Variants in SPTBN1 observed in about 807,000 individuals in gnomAD.
SPTBN1 encodes spectrin beta chain, non-erythrocytic 1.
A neutral mutation model predicts 266.4 loss-of-function variants in SPTBN1; 32 were observed. The ratio of observed to expected loss-of-function variants is 0.12; its 90% CI spans 0.09 to 0.16. SPTBN1 has a LOEUF of 0.16. Ranked by LOEUF, SPTBN1 falls within the 10% of genes least tolerant of loss-of-function variation. The pLI is 1.00. For missense variants in SPTBN1, 2,296 were observed against 3,067.1 expected (o/e 0.75, Z 5.94); for synonymous variants, 1,336 against 1,162.2 (o/e 1.15, Z -3.04).
chr2:54,666,119 A>G, intron 34 of SPTBN1, 31 bp downstream of exon 34: 4 of 1,588,850 alleles, frequency 2.5e-6, no homozygotes, highest in Non-Finnish European at 3.4e-6. Context: ...TGGCTGCCAG[A>G]GTGGGTTTGC....
In SPTBN1 at chr2:54,520,334, C is replaced by G. The variant is rs185819974; in HGVS notation, c.-47-6038C>G. 380 of 152,238 alleles carry G rather than the reference C, an allele frequency of 2.5e-3. 1 individual carries two copies. The highest frequency in any genetic ancestry group is 9.0e-3 in the African/African-American group (374 of 41,528). 9.4% of individuals were successfully genotyped at this position (152,238 alleles called of 1,614,324 possible). ...GAGAACTAACAGAATACTTACAAAG[C>G]CTGGCATGGTAACATTCCAGTTTCT... On this transcript the variant is annotated intron_variant, in intron 1 of 35. Coordinates refer to ENST00000356805, the MANE Select transcript of SPTBN1 (RefSeq NM_003128.3).
chr2:54,546,386 T>C (rs950534917), intron 2 of SPTBN1: 2 of 152,166 alleles, frequency 1.3e-5, no homozygotes, highest in African/African-American at 4.8e-5. Flanking sequence ...TTGTCTGATA[T>C]CTGTTAAAGT....
rs1681657486 is a variant in SPTBN1 at position 54,670,754 on chromosome 2, G to T, written c.*2185G>T. ...CATAATTTCAACAGTTCGCAGATCT[G>T]TAGTTATGAAGCCAGGGTTTGGTGG... On this transcript the variant is annotated 3_prime_UTR_variant, in exon 36 of 36. Coordinates refer to ENST00000356805, the MANE Select transcript of SPTBN1 (RefSeq NM_003128.3). 2 of 398,470 alleles carry T rather than the reference G, an allele frequency of 5.0e-6. No individual in the cohort carries two copies. The highest frequency in any genetic ancestry group is 1.3e-4 in the South Asian group (1 of 7,858). The allele number at this position is 398,470 out of a possible 1,614,324, so 24.7% of individuals were successfully genotyped here. A position where few individuals can be genotyped will look rare whatever the true frequency, so the allele number is the denominator to read the frequency against.
At chr2:54,630,391 C>T (rs1458888336) in intron 15 of SPTBN1, among the ~76,000 whole-genome samples, 3 of 152,196 alleles carry the variant, frequency 2.0e-5, no homozygotes, top group Non-Finnish European at 2.9e-5. Context: ...ACTTAATTTG[C>T]CAATGAAAGT....
intron 2 of SPTBN1, among the ~76,000 whole-genome samples, chr2:54,591,046 A>G (rs1675647567): frequency 6.6e-6 from 1 of 152,152 alleles, no homozygotes; most frequent in Admixed American, 6.5e-5. Flanking sequence ...GCAAAAATAG[A>G]TTGTCAAAAT....
At chr2:54,590,568 A>G (rs539927602) in intron 2 of SPTBN1, among the ~76,000 whole-genome samples, 3 of 152,370 alleles carry the variant, frequency 2.0e-5, no homozygotes, top group African/African-American at 7.2e-5. Flanking sequence ...ACATCCCATC[A>G]AATGATGATT....
At chr2:54,644,617 G>A in intron 20 of SPTBN1, 31 bp downstream of exon 20, 3 of 1,578,618 alleles carry the variant, frequency 1.9e-6, no homozygotes, top group South Asian at 1.1e-5. Flanking sequence ...GGACTTGGGT[G>A]TATTTCTGTT....
In SPTBN1 at chr2:54,456,432, C is replaced by T. The variant is rs1317223021; in HGVS notation, c.-134C>T. 6.6e-6 allele frequency: 1 copy of T among 152,180 alleles called. No individual in the cohort carries two copies. The highest frequency in any genetic ancestry group is 1.5e-5 in the Non-Finnish European group (1 of 68,092). The allele number at this position is 152,180 out of a possible 1,614,324, so 9.4% of individuals were successfully genotyped here. ...CCCCGGCCCCAGCCGCGGACAGACC[C>T]GCGGAGTCGCCTCCCGGCCCACCCG... On this transcript the variant is annotated 5_prime_UTR_variant, in exon 1 of 36. Coordinates refer to ENST00000356805, the MANE Select transcript of SPTBN1 (RefSeq NM_003128.3).
Position 54,630,898 on chromosome 2 carries a change from C to T in SPTBN1, c.2851C>T (p.Leu951Phe). 1.2e-6 allele frequency: 2 copies of T among 1,610,424 alleles called. No individual in the cohort carries two copies. Among genetic ancestry groups the T allele is most frequent in the Non-Finnish European group, 1.7e-6 (2 of 1,177,940 alleles). The change falls in exon 16 of 36, where the codon CTC (leucine) becomes TTC (phenylalanine). Residue 951 changes from leucine (L) to phenylalanine (F), a missense_variant. Coordinates refer to ENST00000356805, the MANE Select transcript of SPTBN1 (RefSeq NM_003128.3). ...ACTGGTTGACAGGAAGAAGGATGCC[C>T]TCCTGTCTGCCCTGAGCATCCAGAA... ...RELVDRKKDALLSALSIQNYH... is the reference protein window; with the variant it reads ...RELVDRKKDAFLSALSIQNYH...
chr2:54,580,869 G>A (rs770749125), intron 2 of SPTBN1, among the ~76,000 whole-genome samples: 15 of 151,966 alleles, frequency 9.9e-5, no homozygotes, highest in Middle Eastern at 3.2e-3. Context: ...AGGCTGAGGC[G>A]GACTGATCAC....
intron 2 of SPTBN1, among the ~76,000 whole-genome samples, chr2:54,567,736 T>C (rs1424151715): frequency 6.6e-6 from 1 of 152,136 alleles, no homozygotes; most frequent in African/African-American, 2.4e-5. Context: ...CCTATTTACA[T>C]TTATATATAA....
At position 54,623,375 on chromosome 2, in the gene SPTBN1, G is replaced by A. The variant is rs958286678; in HGVS notation, c.1065-104G>A. ...CAACCTACTGATGTCTCTTTGACAT[G>A]CATTTCATGTAAGTCAGACCAGAGT... is the stretch of plus-strand genomic sequence containing the variant. On this transcript the variant is annotated intron_variant, in intron 9 of 35. Transcript: ENST00000356805. 9.4e-6 allele frequency: 9 copies of A among 954,418 alleles called. No homozygotes were observed. The Admixed American group carries it at 1.8e-4, about 19-fold the overall frequency. 59.1% of individuals were successfully genotyped at this position (954,418 alleles called of 1,614,324 possible).
rs954853538 is a variant in SPTBN1, at chr2:54,664,344, G to C, written c.6421-109G>C. On this transcript the variant is annotated intron_variant, in intron 32 of 35. Transcript: ENST00000356805. The surrounding 1 kb of genome is among the most constrained non-coding windows in gnomAD (Gnocchi z 5.6). ...TGCAATGGTTTTACTGTACTGCCTCGATCTGTGCCAGGCATTTATACACAG... is the reference window on the plus strand; with the variant it reads ...TGCAATGGTTTTACTGTACTGCCTCCATCTGTGCCAGGCATTTATACACAG... 3 of 1,143,950 alleles carry C rather than the reference G, an allele frequency of 2.6e-6. No individual in the cohort carries two copies. The highest frequency in any genetic ancestry group is 4.7e-5 in the East Asian group (2 of 42,138). The allele number at this position is 1,143,950 out of a possible 1,614,324, so 70.9% of individuals were successfully genotyped here. A position where few individuals can be genotyped will look rare whatever the true frequency, so the allele number is the denominator to read the frequency against.
At chr2:54,564,686 T>C (rs756711900) in intron 2 of SPTBN1, among the ~76,000 whole-genome samples, 4 of 152,198 alleles carry the variant, frequency 2.6e-5, no homozygotes, top group Admixed American at 2.6e-4. Context: ...AGGATCAGTC[T>C]TTTGAGGTTC....
Position 54,664,402 on chromosome 2 carries a change from T to TC in SPTBN1, c.6421-50dup. Reference sequence around the variant, plus strand: ...TGCGAGTCAGGTAGAGCGTATGTGGTCACCCCCATGGCTCACGGAGTTAGC... The same window carrying TC: ...TGCGAGTCAGGTAGAGCGTATGTGGTCCACCCCCATGGCTCACGGAGTTAGC... On this transcript the variant is annotated intron_variant, in intron 32 of 35. Transcript: ENST00000356805. This position sits in a 1 kb window ranked among gnomAD's most constrained non-coding sequence, Gnocchi z 5.6. 5.8e-6 allele frequency: 9 copies of TC among 1,565,154 alleles called. No individual in the cohort carries two copies. The highest frequency in any genetic ancestry group is 7.9e-6 in the Non-Finnish European group (9 of 1,144,964).
chr2:54,648,943 A>G lies in SPTBN1; in HGVS notation c.4998-43A>G, dbSNP rs200511453. 6.6e-6 allele frequency: 10 copies of G among 1,512,250 alleles called. No individual in the cohort carries two copies. In the East Asian group the frequency reaches 1.5e-4, roughly 22 times the overall value. The allele number at this position is 1,512,250 out of a possible 1,614,324, so 93.7% of individuals were successfully genotyped here. ...TGTTTTTCCCCTGAAGAAACTTGAC[A>G]TTTAAGATCCTTTTTCTCCCCATTG... On this transcript the variant is annotated intron_variant, in intron 24 of 35. Transcript: ENST00000356805.
intron 2 of SPTBN1, among the ~76,000 whole-genome samples, chr2:54,551,373 C>A (rs1280758563): frequency 6.6e-6 from 1 of 152,260 alleles, no homozygotes; most frequent in Non-Finnish European, 1.5e-5. Context: ...GCTGCTGTTA[C>A]ATTCACAGGC....
chr2:54,566,704 G>A (rs578251085), intron 2 of SPTBN1, among the ~76,000 whole-genome samples: 9 of 152,054 alleles, frequency 5.9e-5, no homozygotes, highest in South Asian at 2.1e-4. Context: ...GGTGGTACAC[G>A]CCTGTAGTCC....
intron 18 of SPTBN1, among the ~76,000 whole-genome samples, chr2:54,639,271 C>G (rs1279623701): frequency 1.3e-5 from 2 of 152,198 alleles, no homozygotes; most frequent in Non-Finnish European, 2.9e-5. Context: ...CCATTTTTCA[C>G]TGGAGGGAGT....
Sources: allele counts gnomAD v4.1 joint callset (sites outside exome capture counted in the v4.1 genomes callset), GRCh38; gene constraint gnomAD v4.1.1; non-coding constraint Gnocchi (gnomAD v3.1); transcripts MANE v1.5; gene names NCBI Gene and HGNC (gene_info 2026-07-23, HGNC 2026-07-21).